CCDC18: variants seen among roughly 807,000 people sequenced by gnomAD.
The protein encoded by CCDC18 is coiled-coil domain containing 18.
A neutral mutation model predicts 196.0 loss-of-function variants in CCDC18; 157 were observed. The observed-to-expected ratio is 0.80, with a 90% CI of 0.70 to 0.91. The LOEUF is 0.91. Among genes scored for constraint, CCDC18 ranks in the 40% least tolerant of loss-of-function variants. CCDC18 has a pLI of 0.00. For synonymous variants in CCDC18, 482 were observed against 529.2 expected (o/e 0.91, Z 1.22); for missense variants, 1,465 against 1,611.6 (o/e 0.91, Z 1.56).
At chr1:93,197,973 A>C (rs541965963) in intron 6 of CCDC18, among the ~76,000 whole-genome samples, 11 of 151,328 alleles carry the variant, frequency 7.3e-5, no homozygotes, top group East Asian at 1.9e-4. Context: ...GGATGATCTC[A>C]ATCTCCTGAC....
chr1:93,222,156 A>G (rs1320357482), intron 16 of CCDC18, among the ~76,000 whole-genome samples: 6 of 151,998 alleles, frequency 3.9e-5, no homozygotes, highest in Non-Finnish European at 5.9e-5. Context: ...ATTTGGAGAC[A>G]TTCTTGTGGC....
Position 93,211,073 on chromosome 1 carries a change from G to A in CCDC18, c.1334+147G>A, listed in dbSNP as rs904896995. The A allele has an allele frequency of 4.2e-5, 30 of 708,932 alleles. No homozygotes were observed. In the East Asian group the frequency reaches 4.9e-4, roughly 12 times the overall value. The allele number at this position is 708,932 out of a possible 1,614,324, so 43.9% of individuals were successfully genotyped here. ...AGGCGGATCACGAGGTCAGGAGTTC[G>A]AGACCAGCCTGACCAACATGGTGAA... On this transcript the variant is annotated intron_variant, in intron 10 of 28. Coordinates refer to ENST00000690025, the MANE Select transcript of CCDC18 (RefSeq NM_001378204.1).
At chr1:93,210,760 T>A in intron 9 of CCDC18, 42 bp from the exon 10 acceptor site, 1 of 1,465,620 alleles carries the variant, frequency 6.8e-7, no homozygotes, top group South Asian at 1.3e-5. Context: ...CAAATGCATC[T>A]CATTTACATA....
chr1:93,250,124 T>C (rs981742621), intron 23 of CCDC18, among the ~76,000 whole-genome samples: 4 of 151,994 alleles, frequency 2.6e-5, no homozygotes, highest in African/African-American at 9.7e-5. Flanking sequence ...TGAGACTTAT[T>C]TTGTGGCCTA....
In CCDC18 at chr1:93,214,877, G is replaced by T. The variant is rs376294262; in HGVS notation, c.1630G>T (p.Val544Phe). 36 of 1,613,538 alleles carry T rather than the reference G, an allele frequency of 2.2e-5. No homozygotes were observed. The highest frequency in any genetic ancestry group is 3.0e-5 in the Non-Finnish European group (35 of 1,179,750). ...AGAAGCTGAAAATTCTGATTTGAAGGTTAACATGGCTCACAGAACTAGTCA... is the reference window on the plus strand; with the variant it reads ...AGAAGCTGAAAATTCTGATTTGAAGTTTAACATGGCTCACAGAACTAGTCA... ...QIEAENSDLK[V>F]NMAHRTSQFQ... The change falls in exon 12 of 29, where the codon GTT (valine) becomes TTT (phenylalanine). Residue 544 changes from valine to phenylalanine, a missense_variant. By Grantham distance (50) the Val-to-Phe change is conservative. Coordinates refer to ENST00000690025, the MANE Select transcript of CCDC18 (RefSeq NM_001378204.1).
intron 16 of CCDC18, 81 bp downstream of exon 16, chr1:93,222,017 T>C: frequency 2.2e-6 from 2 of 890,676 alleles, no homozygotes; most frequent in South Asian, 3.5e-5. Context: ...TTGCCTAGGC[T>C]GGAGTGCAGT....
intron 16 of CCDC18, among the ~76,000 whole-genome samples, chr1:93,223,458 C>G (rs1016209288): frequency 6.6e-6 from 1 of 152,140 alleles, no homozygotes; most frequent in Admixed American, 6.5e-5. Flanking sequence ...TACTACCTTC[C>G]TTTCATGACT....
At chr1:93,181,786 T>C (rs1284016373) in intron 1 of CCDC18, among the ~76,000 whole-genome samples, 1 of 152,142 alleles carries the variant, frequency 6.6e-6, no homozygotes, top group Non-Finnish European at 1.5e-5. Flanking sequence ...GGCTAATTTT[T>C]TTGTATTTTT....
At position 93,216,715 on chromosome 1, in the gene CCDC18, C is replaced by CA. The variant is rs1557640875; in HGVS notation, c.1805dup (p.Asn602LysfsTer13). 2 of 1,581,260 alleles carry CA rather than the reference C, an allele frequency of 1.3e-6. No individual in the cohort carries two copies. Among genetic ancestry groups the CA allele is most frequent in the Non-Finnish European group, 1.7e-6 (2 of 1,164,562 alleles). ...ATAGTTGCTTATTCCTCTATTGCTGCAAAAAATGCAGAACTAGAACAGGAG... is the reference window on the plus strand; with the variant it reads ...ATAGTTGCTTATTCCTCTATTGCTGCAAAAAAATGCAGAACTAGAACAGGAG... On this transcript the variant is annotated frameshift_variant, in exon 13 of 29. Coordinates refer to ENST00000690025, the MANE Select transcript of CCDC18 (RefSeq NM_001378204.1). LOFTEE classifies it high-confidence loss of function.
At chr1:93,225,948 T>A (rs142243984) in intron 16 of CCDC18, among the ~76,000 whole-genome samples, 315 of 152,278 alleles carry the variant, frequency 2.1e-3, no homozygotes, top group Non-Finnish European at 3.1e-3. Context: ...TTGGCCCTAG[T>A]TTATCTTGTC....
At chr1:93,228,484 G>A (rs1468205004) in intron 17 of CCDC18, among the ~76,000 whole-genome samples, 1 of 147,366 alleles carries the variant, frequency 6.8e-6, no homozygotes, top group Non-Finnish European at 1.5e-5. Context: ...GGTGCATCAA[G>A]TAATTATATA....
chr1:93,185,912 A>G (rs1352817118), intron 3 of CCDC18, among the ~76,000 whole-genome samples: 1 of 151,920 alleles, frequency 6.6e-6, no homozygotes, highest in Non-Finnish European at 1.5e-5. Flanking sequence ...ATTTATACAG[A>G]TGAAATAATA....
intron 4 of CCDC18, 104 bp downstream of exon 4, chr1:93,186,607 G>T: frequency 1.2e-6 from 1 of 826,450 alleles, no homozygotes; most frequent in East Asian, 2.7e-5. Flanking sequence ...AATGTGTTAT[G>T]GGAAGTAATT....
In CCDC18 at chr1:93,249,225, C is replaced by A. The variant is rs544997000; in HGVS notation, c.3198+2271C>A. On this transcript the variant is annotated intron_variant, in intron 23 of 28. Transcript: ENST00000690025. ...TGTGGGTCCAGGAATTTATCCATTTCTTCTAGTTTTTCCAATTTGTTGGTA... is the reference window on the plus strand; with the variant it reads ...TGTGGGTCCAGGAATTTATCCATTTATTCTAGTTTTTCCAATTTGTTGGTA... Among the ~76,000 whole-genome samples, 3 of 152,164 alleles carry A rather than the reference C, an allele frequency of 2.0e-5. No individual in the cohort carries two copies. The East Asian group carries it at 5.8e-4, about 29-fold the overall frequency.
At chr1:93,230,748 A>G (rs1570471913) in intron 17 of CCDC18, among the ~76,000 whole-genome samples, 2 of 151,636 alleles carry the variant, frequency 1.3e-5, no homozygotes, top group East Asian at 1.9e-4. Context: ...TATTTTGTCC[A>G]TTTTTTTCTC....
chr1:93,231,246 A>C (rs1659194903), intron 17 of CCDC18, among the ~76,000 whole-genome samples: 2 of 152,208 alleles, frequency 1.3e-5, no homozygotes, highest in African/African-American at 4.8e-5. Flanking sequence ...TCTTTGCTTT[A>C]AAGGAATGGC....
chr1:93,265,485 G>A (rs934115966), intron 27 of CCDC18, among the ~76,000 whole-genome samples: 7 of 152,298 alleles, frequency 4.6e-5, no homozygotes, highest in African/African-American at 1.7e-4. Context: ...CTACTTATAT[G>A]AGATACCACA....
intron 28 of CCDC18, 40 bp downstream of exon 28, chr1:93,270,854 C>A: frequency 5.1e-6 from 7 of 1,368,436 alleles, no homozygotes; most frequent in South Asian, 2.0e-5. Flanking sequence ...TAATTTGTTT[C>A]CAAAGAATAT....
chr1:93,214,586 T>C (rs895167460), intron 11 of CCDC18, among the ~76,000 whole-genome samples, 157 bp from the exon 12 acceptor site: 3 of 152,226 alleles, frequency 2.0e-5, no homozygotes, highest in African/African-American at 7.2e-5. Context: ...ACATTACTTA[T>C]TCTTTGATTT....
Sources: gnomAD v4.1 joint callset for allele counts (sites outside exome capture counted in the v4.1 genomes callset) on GRCh38, gnomAD v4.1.1 for gene constraint, MANE v1.5 for transcripts, NCBI Gene and HGNC (gene_info 2026-07-23, HGNC 2026-07-21) for gene names.